Variants in CAMKMT observed in about 807,000 individuals in gnomAD.
CAMKMT encodes calmodulin-lysine N-methyltransferase, also known as CaM KMT.
Under a neutral mutation model 48.0 loss-of-function variants are expected in CAMKMT, and 53 were observed. That is an observed-to-expected ratio of 1.10 (90% confidence interval 0.89 to 1.39). CAMKMT has a LOEUF of 1.39. Ranked by LOEUF, CAMKMT falls within the 40% of genes most tolerant of loss-of-function variation. The pLI, the probability that CAMKMT is intolerant of heterozygous loss-of-function variation, is 0.00. For missense variants in CAMKMT, 428 were observed against 402.7 expected (o/e 1.06, Z -0.54); for synonymous variants, 165 against 152.3 (o/e 1.08, Z -0.61).
rs577998853 is a variant in CAMKMT, at chr2:44,663,371, C to T, written c.377-40912C>T. ...CCCACTCCTTTGTCCATAGCTTCTA[C>T]ATCATTGATTCGCAAACATTCCACT... On this transcript the variant is annotated intron_variant, in intron 3 of 10. Transcript: ENST00000378494. Among the ~76,000 whole-genome samples, 17 of 152,336 alleles carry T rather than the reference C, an allele frequency of 1.1e-4. No individual in the cohort carries two copies. The South Asian group carries it at 3.5e-3, about 32-fold the overall frequency.
chr2:44,399,127 T>A (rs1353923654), intron 3 of CAMKMT, among the ~76,000 whole-genome samples: 3 of 152,218 alleles, frequency 2.0e-5, no homozygotes, highest in Admixed American at 2.0e-4. Flanking sequence ...GGATCAGGTG[T>A]AGTCTTTGCT....
At chr2:44,757,448 A>G (rs911102283) in intron 9 of CAMKMT, among the ~76,000 whole-genome samples, 1 of 152,190 alleles carries the variant, frequency 6.6e-6, no homozygotes, top group Non-Finnish European at 1.5e-5. Flanking sequence ...TGGAAGCCTC[A>G]GTTTCTCATC....
At position 44,707,413 on chromosome 2, in the gene CAMKMT, A is replaced by G; in HGVS notation, c.507A>G (p.Ala169=). ...CLAGLMVAIS[A]DVKEVLLTDG... ...TTTTTTTTCAGGTTGCTATTTCTGCAGATGTCAAAGAAGTTCTGTTAACTG... is the reference window on the plus strand; with the variant it reads ...TTTTTTTTCAGGTTGCTATTTCTGCGGATGTCAAAGAAGTTCTGTTAACTG... Residue 169 remains alanine, a synonymous_variant, in exon 6 of 11, where the codon GCA becomes GCG. Transcript: ENST00000378494. 2 of 1,612,360 alleles carry G rather than the reference A, an allele frequency of 1.2e-6. No homozygotes were observed. Among genetic ancestry groups the G allele is most frequent in the African/African-American group, 2.7e-5 (2 of 74,842 alleles).
At chr2:44,687,637 A>G (rs1455743393) in intron 3 of CAMKMT, among the ~76,000 whole-genome samples, 4 of 152,256 alleles carry the variant, frequency 2.6e-5, no homozygotes, top group African/African-American at 9.6e-5. Context: ...GAAATTGTTC[A>G]TGTTTCAAAA....
chr2:44,596,117 C>T (rs1420508683), intron 3 of CAMKMT, among the ~76,000 whole-genome samples: 1 of 151,582 alleles, frequency 6.6e-6, no homozygotes, highest in Non-Finnish European at 1.5e-5. Context: ...CACATGTACC[C>T]CAGAACTTAT....
intron 3 of CAMKMT, among the ~76,000 whole-genome samples, chr2:44,490,691 C>T (rs1669454901): frequency 6.6e-6 from 1 of 152,028 alleles, no homozygotes; most frequent in Admixed American, 6.5e-5. Flanking sequence ...GTTGTGAGAG[C>T]AGTATTTTAC....
chr2:44,466,408 C>T (rs1342515696), intron 3 of CAMKMT, among the ~76,000 whole-genome samples: 1 of 152,116 alleles, frequency 6.6e-6, no homozygotes, highest in Admixed American at 6.5e-5. Flanking sequence ...GGTGATTAAT[C>T]AACACACTCT....
At chr2:44,390,106 A>G in intron 2 of CAMKMT, 135 bp from the exon 3 acceptor site, 1 of 613,710 alleles carries the variant, frequency 1.6e-6, no homozygotes, top group Non-Finnish European at 2.8e-6. Flanking sequence ...GGCAGAAAAT[A>G]TTCTTAAAAT....
At chr2:44,547,682 C>T (rs1336198679) in intron 3 of CAMKMT, among the ~76,000 whole-genome samples, 1 of 152,098 alleles carries the variant, frequency 6.6e-6, no homozygotes, top group Non-Finnish European at 1.5e-5. Context: ...GTTCAAATGC[C>T]ATCTCTGTAC....
intron 3 of CAMKMT, among the ~76,000 whole-genome samples, chr2:44,632,895 G>T (rs948436469): frequency 7.9e-5 from 12 of 152,094 alleles, no homozygotes; most frequent in African/African-American, 2.9e-4. Flanking sequence ...TGGGTCTCAG[G>T]CTGGCTCTCC....
At chr2:44,735,382 T>C (rs529401968) in intron 7 of CAMKMT, among the ~76,000 whole-genome samples, 2 of 152,344 alleles carry the variant, frequency 1.3e-5, no homozygotes, top group South Asian at 4.1e-4. Context: ...AAATCTGTCA[T>C]TTTACTATTT....
Position 44,389,546 on chromosome 2 carries a change from G to T in CAMKMT, c.312-695G>T, listed in dbSNP as rs187828693. 8.5e-5 allele frequency among the ~76,000 whole-genome samples: 13 copies of T among 152,212 alleles called. No individual in the cohort carries two copies. The East Asian group carries it at 2.5e-3, about 29-fold the overall frequency. ...GAGAGAATGTAGAGGATTGTAGATG[G>T]ATTAGCACTAATTTTTTTTTTCCCC... On this transcript the variant is annotated intron_variant, in intron 2 of 10. Transcript: ENST00000378494.
chr2:44,508,226 G>T (rs1330543674), intron 3 of CAMKMT, among the ~76,000 whole-genome samples: 1 of 152,186 alleles, frequency 6.6e-6, no homozygotes, highest in Non-Finnish European at 1.5e-5. Flanking sequence ...GAGAATCACA[G>T]TGCCTTATTC....
At chr2:44,687,864 G>A (rs1180167388) in intron 3 of CAMKMT, among the ~76,000 whole-genome samples, 6 of 152,176 alleles carry the variant, frequency 3.9e-5, no homozygotes, top group Admixed American at 2.6e-4. Context: ...TTTATTAACC[G>A]AGTGTTCATT....
intron 1 of CAMKMT, among the ~76,000 whole-genome samples, chr2:44,368,084 T>C (rs564629908): frequency 6.6e-6 from 1 of 152,362 alleles, no homozygotes; most frequent in South Asian, 2.1e-4. Context: ...ATGTCTTTTT[T>C]TTCTTCTTCT....
intron 3 of CAMKMT, among the ~76,000 whole-genome samples, chr2:44,510,418 T>C (rs1670480969): frequency 6.6e-6 from 1 of 152,250 alleles, no homozygotes; most frequent in Non-Finnish European, 1.5e-5. Flanking sequence ...CAGTGAATCA[T>C]ACTGGGGCTA....
chr2:44,723,480 A>G (rs1678593182), intron 7 of CAMKMT, among the ~76,000 whole-genome samples: 1 of 151,848 alleles, frequency 6.6e-6, no homozygotes, highest in African/African-American at 2.4e-5. Context: ...AATCCGAGCT[A>G]CTTGGGAGGC....
intron 3 of CAMKMT, among the ~76,000 whole-genome samples, chr2:44,672,213 G>A (rs1378470952): frequency 6.6e-6 from 1 of 152,148 alleles, no homozygotes; most frequent in Non-Finnish European, 1.5e-5. Context: ...ATAATGGGGA[G>A]ATAGCCGCAT....
chr2:44,447,287 A>G (rs573919452), intron 3 of CAMKMT, among the ~76,000 whole-genome samples: 2 of 152,342 alleles, frequency 1.3e-5, no homozygotes, highest in South Asian at 4.1e-4. Context: ...TCACTAGAAT[A>G]GTTGATTTCC....
Sources: allele counts gnomAD v4.1 joint callset (sites outside exome capture counted in the v4.1 genomes callset), GRCh38; gene constraint gnomAD v4.1.1; transcripts MANE v1.5; gene names NCBI Gene and HGNC (gene_info 2026-07-23, HGNC 2026-07-21).